Variants in SPIRE2 observed in about 807,000 individuals in gnomAD.
SPIRE2 encodes the protein spire type actin nucleation factor 2, also known as protein spire homolog 2.
A neutral mutation model predicts 80.7 loss-of-function variants in SPIRE2; 76 were observed. That is an observed-to-expected ratio of 0.94 (90% CI 0.78 to 1.14). The LOEUF is 1.14. Among genes scored for constraint, SPIRE2 ranks in the 50% most tolerant of loss-of-function variants. The pLI is 0.00. For missense variants in SPIRE2, 1,196 were observed against 1,015.3 expected, an observed-to-expected ratio of 1.18 and a Z score of -2.42; for synonymous variants, 535 against 432.6, an observed-to-expected ratio of 1.24 and a Z score of -2.94.
In SPIRE2 at chr16:89,850,348, G is replaced by C. The variant is rs751551276; in HGVS notation, c.333G>C (p.Trp111Cys). 1.9e-6 allele frequency: 3 copies of C among 1,600,408 alleles called. No homozygotes were observed. Among genetic ancestry groups the C allele is most frequent in the Non-Finnish European group, 8.5e-7 (1 of 1,175,334 alleles). The change falls in exon 3 of 15, where the codon TGG becomes TGC. Residue 111 changes from tryptophan (W) to cysteine (C), a missense_variant. Trp to Cys is a radical substitution (Grantham distance 215, BLOSUM62 -2). Transcript: ENST00000378247. ...LGFAIYRALD[W>C]GLDESEEREL... The stretch of plus-strand genomic sequence containing the variant: ...TCGCCATCTACCGCGCGCTGGACTG[G>C]GGGCTGGACGAGAGCGAGGAGCGCG...
At position 89,828,604 on chromosome 16, in the gene SPIRE2, G is replaced by T. The variant is rs2041348625; in HGVS notation, c.54G>T (p.Glu18Asp). ...GGAAAGAGRP[E>D]PWELSLEEVL... ...CCGCGGCGGGCGCAGGGCGGCCGGA[G>T]CCCTGGGAGCTGTCCCTGGAGGAGG... is the stretch of plus-strand genomic sequence containing the variant. Residue 18 changes from glutamate (E) to aspartate (D), a missense_variant, in exon 1 of 15, where the codon GAG becomes GAT. Glu to Asp is a conservative substitution (Grantham distance 45). Coordinates refer to ENST00000378247, the MANE Select transcript of SPIRE2 (RefSeq NM_032451.2). This position sits in a 1 kb window ranked among gnomAD's most constrained non-coding sequence, Gnocchi z 5.9. 3.2e-6 allele frequency: 4 copies of T among 1,256,668 alleles called. No homozygotes were observed. The African/African-American group carries it at 6.3e-5, about 20-fold the overall frequency. The allele number at this position is 1,256,668 out of a possible 1,614,324, so 77.8% of individuals were successfully genotyped here.
chr16:89,834,613 C>T (rs1446118749), intron 1 of SPIRE2, among the ~76,000 whole-genome samples: 5 of 110,504 alleles, frequency 4.5e-5, no homozygotes, highest in East Asian at 2.6e-4. Context: ...TGAACCTGCC[C>T]GCACTCGCGG....
At chr16:89,854,770 G>GCACAGAGAGCAGGGACC in intron 5 of SPIRE2, 119 bp downstream of exon 5, 1 of 1,108,138 alleles carries the variant, frequency 9.0e-7, no homozygotes, top group Non-Finnish European at 1.3e-6. Flanking sequence ...CAGGGTCCCT[G>GCACAGAGAGCAGGGACC]CTCTCTGTGC....
At chr16:89,862,042 C>G (rs1056968289) in intron 10 of SPIRE2, 1 of 148,824 alleles carries the variant, frequency 6.7e-6, no homozygotes, top group Non-Finnish European at 1.5e-5. Context: ...CTGGCTCTGT[C>G]GCCCAGGCTG....
chr16:89,837,085 G>A (rs1298895524), intron 1 of SPIRE2, among the ~76,000 whole-genome samples: 1 of 152,188 alleles, frequency 6.6e-6, no homozygotes, highest in East Asian at 1.9e-4. Context: ...CCCGTGCCTG[G>A]CCCGTCGCGT....
chr16:89,863,933 C>A lies in SPIRE2; in HGVS notation c.1778+72C>A. The A allele has an allele frequency of 8.7e-7, 1 of 1,155,870 alleles. No individual in the cohort carries two copies. Among genetic ancestry groups the A allele is most frequent in the Non-Finnish European group, 1.3e-6 (1 of 790,220 alleles). The allele number at this position is 1,155,870 out of a possible 1,614,324, so 71.6% of individuals were successfully genotyped here. ...AGAAACCTCGGGGCAGTACCGCCCA[C>A]AGAACTTCCTGTGATTCCAGGAATG... On this transcript the variant is annotated intron_variant, in intron 12 of 14. Transcript: ENST00000378247. The surrounding 1 kb of genome is among the most constrained non-coding windows in gnomAD (Gnocchi z 4.3).
At chr16:89,861,610 TCA>T (rs1216700319) in intron 10 of SPIRE2, among the ~76,000 whole-genome samples, 1 of 152,208 alleles carries the variant, frequency 6.6e-6, no homozygotes, top group Admixed American at 6.5e-5. Context: ...ATATATTATC[TCA>T]CAGTTTCTGA....
chr16:89,841,351 C>G (rs750440519), intron 1 of SPIRE2, among the ~76,000 whole-genome samples: 1 of 152,108 alleles, frequency 6.6e-6, no homozygotes, highest in East Asian at 1.9e-4. Flanking sequence ...TGATGAGAAT[C>G]TGGGGTCCTT....
At chr16:89,843,238 C>A (rs60327403) in intron 1 of SPIRE2, among the ~76,000 whole-genome samples, 6,729 of 152,266 alleles carry the variant, frequency 0.044, 530 homozygotes, top group African/African-American at 0.15. Flanking sequence ...CTTATCAGCC[C>A]TGATACCTTG....
At chr16:89,855,876 C>A in intron 6 of SPIRE2, 190 bp downstream of exon 6, 1 of 916,852 alleles carries the variant, frequency 1.1e-6, no homozygotes, top group Non-Finnish European at 1.6e-6. Flanking sequence ...TGGCCCTGGG[C>A]CCTTTTTCTG....
chr16:89,830,644 A>C (rs1281934633), intron 1 of SPIRE2, among the ~76,000 whole-genome samples: 1 of 151,092 alleles, frequency 6.6e-6, no homozygotes, highest in African/African-American at 2.4e-5. Context: ...TTGTAGTCTC[A>C]GTTTTTTGCT....
chr16:89,869,072 A>ATATATATATATATATGATATATATG, intron 13 of SPIRE2, among the ~76,000 whole-genome samples: 1 of 65,952 alleles, frequency 1.5e-5, no homozygotes, highest in South Asian at 6.4e-4. Context: ...ATATATATAT[A>ATATATATATATATATGATATATATG]TATGTTACCC....
chr16:89,849,406 A>T lies in SPIRE2; in HGVS notation c.289-898A>T, dbSNP rs573150963. Among the ~76,000 whole-genome samples, 19 of 152,330 alleles carry T rather than the reference A, an allele frequency of 1.2e-4. No individual in the cohort carries two copies. The South Asian group carries it at 3.7e-3, about 30-fold the overall frequency. ...CAGTGTGGCTCGAGGTGAGGTTGGT[A>T]CGTGATGTGCAGGGCCCGGCACAGC... On this transcript the variant is annotated intron_variant, in intron 2 of 14. Transcript: ENST00000378247.
Position 89,863,361 on chromosome 16 carries a change from G to C in SPIRE2, c.1576-115G>C. 1 of 1,162,784 alleles carries C rather than the reference G, an allele frequency of 8.6e-7. No homozygotes were observed. Among genetic ancestry groups the C allele is most frequent in the Non-Finnish European group, 1.2e-6 (1 of 825,738 alleles). 72.0% of individuals were successfully genotyped at this position (1,162,784 alleles called of 1,614,324 possible). A position where few individuals can be genotyped will look rare whatever the true frequency, so the allele number is the denominator to read the frequency against. Reference sequence around the variant, plus strand: ...AAGATGGCTGATGGACAGCGTTTTAGAAGGTCGCAGGCTTGTTTAGGCTGA... The same window carrying C: ...AAGATGGCTGATGGACAGCGTTTTACAAGGTCGCAGGCTTGTTTAGGCTGA... On this transcript the variant is annotated intron_variant, in intron 10 of 14. Transcript: ENST00000378247. This position sits in a 1 kb window ranked among gnomAD's most constrained non-coding sequence, Gnocchi z 4.3.
In SPIRE2 at chr16:89,870,351, C is replaced by A; in HGVS notation, c.*79C>A. Reference sequence around the variant, plus strand: ...TAGGACGCTCTGAGCTGTGCATGTACATATATACATATATAGATACATTTA... The same window carrying A: ...TAGGACGCTCTGAGCTGTGCATGTAAATATATACATATATAGATACATTTA... On this transcript the variant is annotated 3_prime_UTR_variant, in exon 15 of 15. Transcript: ENST00000378247. 1 of 714,596 alleles carries A rather than the reference C, an allele frequency of 1.4e-6. No individual in the cohort carries two copies. Among genetic ancestry groups the A allele is most frequent in the East Asian group, 2.7e-5 (1 of 36,912 alleles). 44.3% of individuals were successfully genotyped at this position (714,596 alleles called of 1,614,324 possible).
chr16:89,860,925 G>T (rs768218285), intron 10 of SPIRE2, 130 bp downstream of exon 10: 17 of 572,336 alleles, frequency 3.0e-5, no homozygotes, highest in South Asian at 9.2e-5. Context: ...GCGTCCGTCT[G>T]GGGGGGCGCG....
chr16:89,868,821 C>G (rs938710797), intron 13 of SPIRE2, among the ~76,000 whole-genome samples: 1 of 151,800 alleles, frequency 6.6e-6, no homozygotes, highest in Non-Finnish European at 1.5e-5. Flanking sequence ...TGCCACTGCA[C>G]TACAGCCTGG....
rs199626958 is a variant in SPIRE2 at position 89,858,311 on chromosome 16, G to A, written c.1103-27G>A. On this transcript the variant is annotated intron_variant, in intron 7 of 14. Transcript: ENST00000378247. ...CTGCTGTCTCCCCGTTCACTGGCCC[G>A]TCCTGCCTCGGCTCCCGTCTCCCCA... 2.6e-5 allele frequency: 40 copies of A among 1,553,064 alleles called. No homozygotes were observed. In the East Asian group the frequency reaches 4.3e-4, roughly 17 times the overall value.
rs901711234 is a variant in SPIRE2 at position 89,831,751 on chromosome 16, C to CGTTGCT, written c.244+2959_244+2964dup. On this transcript the variant is annotated intron_variant, in intron 1 of 14. Transcript: ENST00000378247. Reference sequence around the variant, plus strand: ...CCGCTCTTTACGCTAGGATGCCCCACGTTGCTGGTCCTCCAGGTATCCCCC... The same window carrying CGTTGCT: ...CCGCTCTTTACGCTAGGATGCCCCACGTTGCTGTTGCTGGTCCTCCAGGTATCCCCC... 2.4e-4 allele frequency among the ~76,000 whole-genome samples: 37 copies of CGTTGCT among 151,332 alleles called. No individual in the cohort carries two copies. The Middle Eastern group carries it at 0.014, about 56-fold the overall frequency.
Sources: allele counts gnomAD v4.1 joint callset (sites outside exome capture counted in the v4.1 genomes callset), GRCh38; gene constraint gnomAD v4.1.1; non-coding constraint Gnocchi (gnomAD v3.1); transcripts MANE v1.5; gene names NCBI Gene and HGNC (gene_info 2026-07-23, HGNC 2026-07-21).